LRRC37A2: variants seen among roughly 807,000 people sequenced by gnomAD.
LRRC37A2 encodes leucine rich repeat containing 37 member A2, also known as leucine-rich repeat-containing protein 37A2.
LRRC37A2 carries 9 observed loss-of-function variants against 68.8 expected under a neutral mutation model. The ratio of observed to expected loss-of-function variants is 0.13; its 90% CI spans 0.08 to 0.23. The LOEUF (loss-of-function observed/expected upper bound fraction) is 0.23. Ranked by LOEUF, LRRC37A2 falls within the 10% of genes least tolerant of loss-of-function variation. The probability of loss-of-function intolerance (pLI) is 1.00; values close to 1 mark genes in which losing one functional copy is unlikely to be tolerated. For missense variants in LRRC37A2, 168 were observed against 950.4 expected (o/e 0.18, Z 10.82); for synonymous variants, 63 against 367.6 (o/e 0.17, Z 9.48).
At chr17:46,575,051 G>A in the LRRC37A2 span, among the ~76,000 whole-genome samples, 2 of 81,496 alleles carry the variant, frequency 2.5e-5, no homozygotes, top group South Asian at 4.8e-4. Context: ...AGCCGAGATC[G>A]CGCCACTGTA....
At chr17:46,891,745 G>T in the LRRC37A2 span, among the ~76,000 whole-genome samples, 1 of 152,046 alleles carries the variant, frequency 6.6e-6, no homozygotes, top group African/African-American at 2.4e-5. Context: ...CACTAGGCCT[G>T]GTCCTTCTTT....
chr17:46,929,387 A>T, the LRRC37A2 span: 1 of 702,162 alleles, frequency 1.4e-6, no homozygotes, highest in African/African-American at 1.7e-5. Context: ...AAAGTGCCAC[A>T]TACAAATTTT....
the LRRC37A2 span, among the ~76,000 whole-genome samples, chr17:46,920,880 T>C: frequency 6.6e-6 from 1 of 152,166 alleles, no homozygotes; most frequent in African/African-American, 2.4e-5. Flanking sequence ...CATCTGACCT[T>C]AGGAGAAATC....
chr17:46,902,882 T>C, the LRRC37A2 span, among the ~76,000 whole-genome samples: 44 of 152,304 alleles, frequency 2.9e-4, no homozygotes, highest in African/African-American at 1.0e-3. Flanking sequence ...TGGTTATTCC[T>C]TTTTCCTTTT....
At chr17:46,768,207 G>A in the LRRC37A2 span, 2 of 1,526,204 alleles carry the variant, frequency 1.3e-6, no homozygotes, top group East Asian at 2.4e-5. This position sits in a 1 kb window ranked among gnomAD's most constrained non-coding sequence, Gnocchi z 5.0. Context: ...GTGTGTCTTG[G>A]ATAGCTTAGA....
At chr17:46,941,847 A>G in the LRRC37A2 span, 2,350 of 812,358 alleles carry the variant, frequency 2.9e-3, 4 homozygotes, top group Middle Eastern at 0.023. Flanking sequence ...CGGCCTCCCA[A>G]AGTTCTAGGG....
At chr17:46,866,436 A>G in the LRRC37A2 span, among the ~76,000 whole-genome samples, 2 of 151,920 alleles carry the variant, frequency 1.3e-5, no homozygotes, top group East Asian at 3.9e-4. Flanking sequence ...ATAGGTGTGT[A>G]TGAATGTGGA....
the LRRC37A2 span, among the ~76,000 whole-genome samples, chr17:46,967,705 T>G: frequency 6.6e-6 from 1 of 151,838 alleles, no homozygotes; most frequent in Non-Finnish European, 1.5e-5. Context: ...GAAAACTGGC[T>G]CAAGCATTCA....
chr17:46,827,250 G>T, the LRRC37A2 span, among the ~76,000 whole-genome samples: 1 of 152,266 alleles, frequency 6.6e-6, no homozygotes, highest in East Asian at 1.9e-4. Flanking sequence ...CAATCACGGG[G>T]ACCCATTCTG....
At chr17:46,873,094 A>T in the LRRC37A2 span, among the ~76,000 whole-genome samples, 35 of 42,546 alleles carry the variant, frequency 8.2e-4, no homozygotes, top group African/African-American at 2.1e-3. Context: ...CTTCACACAC[A>T]CACACACACA....
chr17:46,707,926 G>A, the LRRC37A2 span, among the ~76,000 whole-genome samples: 1 of 152,000 alleles, frequency 6.6e-6, no homozygotes, highest in African/African-American at 2.4e-5. Flanking sequence ...CCAGCTACTC[G>A]GGAGGCTGAG....
At chr17:47,018,392 T>G in the LRRC37A2 span, 1 of 1,604,778 alleles carries the variant, frequency 6.2e-7, no homozygotes, top group South Asian at 1.1e-5. Flanking sequence ...CAGGTCACCA[T>G]CAAACTCATC....
At chr17:46,879,189 A>G in the LRRC37A2 span, among the ~76,000 whole-genome samples, 17 of 152,364 alleles carry the variant, frequency 1.1e-4, no homozygotes, top group African/African-American at 4.1e-4. Flanking sequence ...CAGACAGCAC[A>G]GGTGGGGTTT....
At chr17:46,927,470 C>T in the LRRC37A2 span, among the ~76,000 whole-genome samples, 2 of 152,050 alleles carry the variant, frequency 1.3e-5, no homozygotes, top group African/African-American at 4.8e-5. Flanking sequence ...TTCTGTAACC[C>T]GAGGTCATTT....
the LRRC37A2 span, among the ~76,000 whole-genome samples, chr17:46,991,854 C>A: frequency 1.3e-5 from 2 of 152,204 alleles, no homozygotes; most frequent in Non-Finnish European, 2.9e-5. Flanking sequence ...TCTGTGGCTG[C>A]TTTTTTGCCA....
chr17:46,876,904 C>A, the LRRC37A2 span: 1 of 1,365,564 alleles, frequency 7.3e-7, no homozygotes, highest in South Asian at 2.1e-5. Flanking sequence ...CGATACTCAA[C>A]AAAGAGAAGC....
Position 46,533,461 on chromosome 17 carries a change from G to A in LRRC37A2, c.2907-6715G>A, listed in dbSNP as rs532525241. ...TTATATACCTTATGTTCATCAACTA[G>A]ATTTATAATTATTGCATTATGTAAG... On this transcript the variant is annotated intron_variant, in intron 6 of 14. Coordinates refer to ENST00000576629, the Ensembl canonical transcript of LRRC37A2. 4.4e-3 allele frequency among the ~76,000 whole-genome samples: 614 copies of A among 138,628 alleles called. 33 individuals are homozygous for A. Among genetic ancestry groups the A allele is most frequent in the African/African-American group, 0.017 (575 of 33,750 alleles). The allele number at this position is 138,628 out of a possible 152,430, so 90.9% of individuals were successfully genotyped here.
chr17:46,746,983 A>G, the LRRC37A2 span, among the ~76,000 whole-genome samples: 2 of 152,244 alleles, frequency 1.3e-5, no homozygotes, highest in Non-Finnish European at 1.5e-5. Flanking sequence ...TATGCTGGCA[A>G]CGAGGCTTTA....
At chr17:46,722,499 C>T in the LRRC37A2 span, among the ~76,000 whole-genome samples, 2 of 152,076 alleles carry the variant, frequency 1.3e-5, no homozygotes, top group Admixed American at 6.6e-5. Context: ...GATTTATCTA[C>T]CTAAAGTTGT....
Sources: allele counts gnomAD v4.1 joint callset (sites outside exome capture counted in the v4.1 genomes callset), GRCh38; gene constraint gnomAD v4.1.1; non-coding constraint Gnocchi (gnomAD v3.1); transcripts MANE v1.5; gene names NCBI Gene and HGNC (gene_info 2026-07-23, HGNC 2026-07-21).